WDR17: variants seen among roughly 807,000 people sequenced by gnomAD.
The protein encoded by WDR17 is WD repeat domain 17, also known as WD repeat-containing protein 17.
Under a neutral mutation model 161.7 loss-of-function variants are expected in WDR17, and 143 were observed. The observed-to-expected ratio is 0.88, with a 90% CI of 0.77 to 1.02. WDR17 has a LOEUF of 1.02. Among genes scored for constraint, WDR17 ranks in the 50% least tolerant of loss-of-function variants. The pLI, the probability that WDR17 is intolerant of heterozygous loss-of-function variation, is 0.00. For missense variants in WDR17, 1,469 were observed against 1,520.9 expected, an observed-to-expected ratio of 0.97 and a Z score of 0.57; for synonymous variants, 517 against 515.6, an observed-to-expected ratio of 1.00 and a Z score of -0.04.
intron 1 of WDR17, among the ~76,000 whole-genome samples, chr4:176,069,795 C>A (rs991801185): frequency 6.6e-6 from 1 of 152,028 alleles, no homozygotes; most frequent in Non-Finnish European, 1.5e-5. Flanking sequence ...ACAAAGCACT[C>A]GTGTTTAACA....
chr4:176,120,589 TGTTA>T (rs767198272), intron 4 of WDR17, among the ~76,000 whole-genome samples: 7 of 149,652 alleles, frequency 4.7e-5, no homozygotes, highest in African/African-American at 1.5e-4. Context: ...TTTGAACCCC[TGTTA>T]GTTAATTGAT....
Position 176,180,547 on chromosome 4 carries a change from A to G in WDR17, c.*968A>G, listed in dbSNP as rs769471168. The G allele has an allele frequency of 2.0e-5, 3 of 152,324 alleles. No homozygotes were observed. Among genetic ancestry groups the G allele is most frequent in the East Asian group, 3.9e-4 (2 of 5,162 alleles). The allele number at this position is 152,324 out of a possible 1,614,324, so 9.4% of individuals were successfully genotyped here. A position where few individuals can be genotyped will look rare whatever the true frequency, so the allele number is the denominator to read the frequency against. ...AGCATGGTAAAACCCTGTCTCCACT[A>G]AAAATACAAAAATTAGCCAGGCATG... On this transcript the variant is annotated 3_prime_UTR_variant, in exon 29 of 29. Transcript: ENST00000508596.
At position 176,139,959 on chromosome 4, in the gene WDR17, G is replaced by A; in HGVS notation, c.1427G>A (p.Ser476Asn). 1.9e-6 allele frequency: 3 copies of A among 1,611,252 alleles called. No homozygotes were observed. The highest frequency in any genetic ancestry group is 2.5e-6 in the Non-Finnish European group (3 of 1,178,138). ...GATTCTAAAAGAATAGCAACCTGCA[G>A]CAGTGATGGTTTCTGGTAAGTACTA... is the stretch of plus-strand genomic sequence containing the variant. ...HKDSKRIATC[S>N]SDGFCIIRTI... Residue 476 changes from serine (S) to asparagine (N), a missense_variant, in exon 10 of 29, where the codon AGC becomes AAC. Physicochemically the swap from Ser to Asn is conservative, Grantham distance 46. Coordinates refer to ENST00000508596, the MANE Select transcript of WDR17 (RefSeq NM_181265.4).
chr4:176,148,282 C>A lies in WDR17; in HGVS notation c.1844C>A (p.Thr615Asn). 6.2e-7 allele frequency: 1 copy of A among 1,613,928 alleles called. No homozygotes were observed. The highest frequency in any genetic ancestry group is 1.1e-5 in the South Asian group (1 of 91,072). Residue 615 changes from threonine (T) to asparagine (N), a missense_variant, in exon 13 of 29, where the codon ACT (threonine) becomes AAT (asparagine). By Grantham distance (65) the Thr-to-Asn change is moderately conservative. Transcript: ENST00000508596. ...SWDYTIKVWD[T>N]REGTCVDTVY... Reference sequence around the variant, plus strand: ...GACTATACTATAAAAGTATGGGACACTCGAGAAGGAACTTGTGTGGATACT... The same window carrying A: ...GACTATACTATAAAAGTATGGGACAATCGAGAAGGAACTTGTGTGGATACT...
At position 176,142,077 on chromosome 4, in the gene WDR17, GT is replaced by G. The variant is rs760752728; in HGVS notation, c.1529+16del. ...TTGGAGCCAAAACAATAAGTAAGTGGTTTTTTTTCCTGAAATAAATAATAAC... is the reference window on the plus strand; with the variant it reads ...TTGGAGCCAAAACAATAAGTAAGTGGTTTTTTTCCTGAAATAAATAATAAC... On this transcript the variant is annotated intron_variant, in intron 11 of 28. Coordinates refer to ENST00000508596, the MANE Select transcript of WDR17 (RefSeq NM_181265.4). 8.7e-6 allele frequency: 14 copies of G among 1,600,724 alleles called. No individual in the cohort carries two copies. Among genetic ancestry groups the G allele is most frequent in the Middle Eastern group, 1.7e-4 (1 of 5,950 alleles).
At position 176,156,250 on chromosome 4, in the gene WDR17, G is replaced by C. The variant is rs28693011; in HGVS notation, c.2525+107G>C. Reference sequence around the variant, plus strand: ...TCTTGAAATTTCTTATTCTTATGTTGTCTTAAATAACAATTAAATTTTGTA... The same window carrying C: ...TCTTGAAATTTCTTATTCTTATGTTCTCTTAAATAACAATTAAATTTTGTA... On this transcript the variant is annotated intron_variant, in intron 18 of 28. Transcript: ENST00000508596. The C allele has an allele frequency of 0.013, 13,225 of 1,024,806 alleles. 710 individuals are homozygous for C. In the African/African-American group the frequency reaches 0.15, roughly 11 times the overall value. 63.5% of individuals were successfully genotyped at this position (1,024,806 alleles called of 1,614,324 possible). A position where few individuals can be genotyped will look rare whatever the true frequency, so the allele number is the denominator to read the frequency against.
rs181735380 is a variant in WDR17, at chr4:176,134,527, A to G, written c.1099-581A>G. 1.1e-4 allele frequency among the ~76,000 whole-genome samples: 16 copies of G among 151,838 alleles called. No individual in the cohort carries two copies. In the East Asian group the frequency reaches 3.1e-3, roughly 29 times the overall value. On this transcript the variant is annotated intron_variant, in intron 7 of 28. Transcript: ENST00000508596. Reference sequence around the variant, plus strand: ...GGATCCAAATCATTGTGTAATGGGAACAAGTATTCAGGTTCCAAAGAATAG... The same window carrying G: ...GGATCCAAATCATTGTGTAATGGGAGCAAGTATTCAGGTTCCAAAGAATAG...
Position 176,135,294 on chromosome 4 carries a change from G to T in WDR17, c.1267+18G>T, listed in dbSNP as rs765884398. On this transcript the variant is annotated intron_variant, in intron 8 of 28. Transcript: ENST00000508596. ...GGCTCCAGGTAAGAGATATTTTATT[G>T]AAATTAGGAATACAATGAAATGGCT... 1.9e-6 allele frequency: 3 copies of T among 1,610,558 alleles called. No individual in the cohort carries two copies. Among genetic ancestry groups the T allele is most frequent in the Non-Finnish European group, 2.5e-6 (3 of 1,177,322 alleles).
At chr4:176,100,798 T>C (rs974288783) in intron 1 of WDR17, among the ~76,000 whole-genome samples, 1 of 152,118 alleles carries the variant, frequency 6.6e-6, no homozygotes, top group African/African-American at 2.4e-5. Flanking sequence ...TATTCTCCTG[T>C]ATATGGATGT....
At chr4:176,072,910 T>C (rs1733426921) in intron 1 of WDR17, among the ~76,000 whole-genome samples, 1 of 152,044 alleles carries the variant, frequency 6.6e-6, no homozygotes, top group African/African-American at 2.4e-5. Flanking sequence ...TTAATAGACA[T>C]TTTTAGGTAC....
chr4:176,132,231 C>T (rs1160803315), intron 7 of WDR17, among the ~76,000 whole-genome samples: 3 of 152,046 alleles, frequency 2.0e-5, no homozygotes, highest in Non-Finnish European at 4.4e-5. Flanking sequence ...TCCTTGAGAT[C>T]CCACATTTTT....
At chr4:176,142,364 TATGGCTTCTATCATAGAA>T (rs1745420906) in intron 11 of WDR17, among the ~76,000 whole-genome samples, 1 of 152,226 alleles carries the variant, frequency 6.6e-6, no homozygotes, top group Non-Finnish European at 1.5e-5. Context: ...CCATTGCATG[TATGGCTTCTATCATAGAA>T]ATGTGGCCCT....
Position 176,118,834 on chromosome 4 carries a change from G to A in WDR17, c.308-1033G>A, listed in dbSNP as rs1415933236. ...AAATTAACCGGGCATGGTGGCGGGC[G>A]CCTGTAGTCCCAGCTACTCGGGAGG... On this transcript the variant is annotated intron_variant, in intron 3 of 28. Coordinates refer to ENST00000508596, the MANE Select transcript of WDR17 (RefSeq NM_181265.4). Among the ~76,000 whole-genome samples, 5 of 151,812 alleles carry A rather than the reference G, an allele frequency of 3.3e-5. No individual in the cohort carries two copies. In the East Asian group the frequency reaches 5.8e-4, roughly 18 times the overall value.
intron 1 of WDR17, among the ~76,000 whole-genome samples, chr4:176,081,249 A>G (rs1345918222): frequency 6.6e-6 from 1 of 151,848 alleles, no homozygotes; most frequent in African/African-American, 2.4e-5. Context: ...TGTTTCAAAG[A>G]CTCCCCATCT....
In WDR17 at chr4:176,172,441, T is replaced by C. The variant is rs751979243; in HGVS notation, c.3169T>C (p.Phe1057Leu). The stretch of plus-strand genomic sequence containing the variant: ...GACAGCCCGTGCAGATGACAATATA[T>C]TTGAAACTGTAAAATATTACTTGTT... ...AETARADDNI[F>L]ETVKYYLLSQ... is the part of the protein sequence containing the mutation. Residue 1057 changes from phenylalanine (F) to leucine (L), a missense_variant, in exon 24 of 29, where the codon TTT becomes CTT. Phe to Leu is a conservative substitution (Grantham distance 22). Transcript: ENST00000508596. 6.2e-7 allele frequency: 1 copy of C among 1,612,374 alleles called. No individual in the cohort carries two copies. Among genetic ancestry groups the C allele is most frequent in the East Asian group, 2.2e-5 (1 of 44,816 alleles).
chr4:176,171,580 TAATA>T (rs750293770), intron 23 of WDR17, among the ~76,000 whole-genome samples: 3 of 152,196 alleles, frequency 2.0e-5, no homozygotes, highest in Non-Finnish European at 4.4e-5. Flanking sequence ...ATGAATGTAT[TAATA>T]AATAAATTGA....
At chr4:176,130,546 C>T (rs908099062) in intron 6 of WDR17, among the ~76,000 whole-genome samples, 7 of 151,932 alleles carry the variant, frequency 4.6e-5, no homozygotes, top group Admixed American at 1.3e-4. Context: ...AGATCGAGAC[C>T]ATCCTGGCTA....
At chr4:176,120,178 A>T in intron 4 of WDR17, 81 bp downstream of exon 4, 1 of 1,071,642 alleles carries the variant, frequency 9.3e-7, no homozygotes, top group South Asian at 1.7e-5. Context: ...CTTTCTAGTG[A>T]CCAGTCCCCA....
intron 1 of WDR17, among the ~76,000 whole-genome samples, chr4:176,093,990 T>A (rs1736464425): frequency 6.6e-6 from 1 of 152,224 alleles, no homozygotes; most frequent in Admixed American, 6.5e-5. Context: ...TATTATATGC[T>A]CTATGAATAC....
Sources: allele counts gnomAD v4.1 joint callset (sites outside exome capture counted in the v4.1 genomes callset), GRCh38; gene constraint gnomAD v4.1.1; transcripts MANE v1.5; gene names NCBI Gene and HGNC (gene_info 2026-07-23, HGNC 2026-07-21).